PTPRT: variants seen among roughly 807,000 people sequenced by gnomAD.
The protein encoded by PTPRT is receptor-type tyrosine-protein phosphatase T.
Under a neutral mutation model 176.8 loss-of-function variants are expected in PTPRT, and 56 were observed. The observed-to-expected ratio is 0.32, with a 90% confidence interval of 0.26 to 0.40. The LOEUF (loss-of-function observed/expected upper bound fraction) is 0.40. Ranked by LOEUF, PTPRT falls within the 10% of genes least tolerant of loss-of-function variation. PTPRT has a pLI of 1.00. For synonymous variants in PTPRT, 783 were observed against 739.0 expected (o/e 1.06, Z -0.96); for missense variants, 1,540 against 1,908.2 (o/e 0.81, Z 3.60).
At chr20:42,188,656 T>C (rs985091965) in intron 16 of PTPRT, among the ~76,000 whole-genome samples, 1 of 152,204 alleles carries the variant, frequency 6.6e-6, no homozygotes, top group Non-Finnish European at 1.5e-5. Context: ...CAGTTTATTC[T>C]GCTACCTAGC....
chr20:42,800,005 T>G (rs2077506919), intron 2 of PTPRT, among the ~76,000 whole-genome samples: 1 of 152,180 alleles, frequency 6.6e-6, no homozygotes, highest in Admixed American at 6.5e-5. Context: ...GCAGTACTTT[T>G]TGTGTTCTCA....
chr20:42,614,075 T>A lies in PTPRT; in HGVS notation c.1153+63791A>T, dbSNP rs552972585. Among the ~76,000 whole-genome samples, 192 of 152,194 alleles carry A rather than the reference T, an allele frequency of 1.3e-3. 1 individual carries two copies. Among genetic ancestry groups the A allele is most frequent in the African/African-American group, 4.5e-3 (188 of 41,550 alleles). On this transcript the variant is annotated intron_variant, in intron 7 of 30. Transcript: ENST00000373187. ...AAGATCAAGGTGTCAGCAGGGTGGA[T>A]TCCTTTGAAGGGCTGTGAAAGAATC...
chr20:42,256,893 G>T (rs2056651505), intron 13 of PTPRT, among the ~76,000 whole-genome samples: 1 of 152,168 alleles, frequency 6.6e-6, no homozygotes, highest in African/African-American at 2.4e-5. Context: ...CCCATCTGGA[G>T]ACCTGAAGCC....
At chr20:42,102,997 G>A (rs769127539) in intron 25 of PTPRT, among the ~76,000 whole-genome samples, 1 of 152,234 alleles carries the variant, frequency 6.6e-6, no homozygotes, top group Non-Finnish European at 1.5e-5. Context: ...ATGGCTATTT[G>A]TTTTAGGGAT....
At chr20:42,063,784 G>C in the PTPRT span, 2 of 152,072 alleles carry the variant, frequency 1.3e-5, no homozygotes, top group African/African-American at 4.8e-5. Flanking sequence ...AATTTCTCTT[G>C]GGGAAGTGGC....
chr20:42,714,304 T>C (rs956653706), intron 6 of PTPRT, among the ~76,000 whole-genome samples: 2 of 152,206 alleles, frequency 1.3e-5, no homozygotes, highest in African/African-American at 4.8e-5. Context: ...TTTCTCACTT[T>C]ACTGTCATCT....
intron 7 of PTPRT, among the ~76,000 whole-genome samples, chr20:42,498,969 G>A (rs2071701748): frequency 2.6e-5 from 4 of 152,024 alleles, no homozygotes; most frequent in South Asian, 4.1e-4. Context: ...TAACCCAACC[G>A]CCTTTGGGAC....
intron 15 of PTPRT, among the ~76,000 whole-genome samples, chr20:42,207,351 A>G (rs368093416): frequency 6.0e-4 from 90 of 149,528 alleles, no homozygotes; most frequent in East Asian, 3.0e-3. Flanking sequence ...TCTGAGCTAC[A>G]GGAGGACATT....
Position 42,079,513 on chromosome 20 carries a change from G to C in PTPRT, c.*1366C>G, listed in dbSNP as rs1454934539. Reference sequence around the variant, plus strand: ...GTAGCTCTCTCCTGGGGGTTCTAAGGACTGTGTGAAATGTCCTATGGAAAG... The same window carrying C: ...GTAGCTCTCTCCTGGGGGTTCTAAGCACTGTGTGAAATGTCCTATGGAAAG... On this transcript the variant is annotated 3_prime_UTR_variant, in exon 31 of 31. Coordinates refer to ENST00000373187, the MANE Select transcript of PTPRT (RefSeq NM_007050.6). 9.0e-6 allele frequency: 2 copies of C among 222,694 alleles called. No individual in the cohort carries two copies. The highest frequency in any genetic ancestry group is 9.0e-6 in the Non-Finnish European group (1 of 111,456). The allele number at this position is 222,694 out of a possible 1,614,324, so 13.8% of individuals were successfully genotyped here.
chr20:42,313,603 T>C (rs1228366884), intron 12 of PTPRT, among the ~76,000 whole-genome samples: 1 of 152,202 alleles, frequency 6.6e-6, no homozygotes, highest in Non-Finnish European at 1.5e-5. Context: ...CATCTCATCA[T>C]GGAAACCCAA....
intron 13 of PTPRT, among the ~76,000 whole-genome samples, chr20:42,277,888 C>T: frequency 7.0e-6 from 1 of 143,396 alleles, no homozygotes. Flanking sequence ...ATCCACTCAT[C>T]CATCCATCCA....
chr20:42,812,518 T>C (rs1207764344), intron 2 of PTPRT, among the ~76,000 whole-genome samples: 2 of 152,238 alleles, frequency 1.3e-5, no homozygotes, highest in Non-Finnish European at 1.5e-5. Flanking sequence ...TTTGGGAGGA[T>C]ATGGAGCAAC....
At chr20:42,515,017 ACT>A (rs1364756534) in intron 7 of PTPRT, among the ~76,000 whole-genome samples, 2 of 151,956 alleles carry the variant, frequency 1.3e-5, no homozygotes, top group African/African-American at 4.8e-5. Context: ...AAATCAGAGA[ACT>A]CTCTTGTCAA....
At chr20:42,370,971 T>A (rs2058579272) in intron 9 of PTPRT, among the ~76,000 whole-genome samples, 1 of 152,206 alleles carries the variant, frequency 6.6e-6, no homozygotes, top group Non-Finnish European at 1.5e-5. Flanking sequence ...TTCCACCCTC[T>A]CTTGGTTTGG....
At chr20:42,202,362 G>T (rs117094274) in intron 15 of PTPRT, among the ~76,000 whole-genome samples, 2,813 of 152,080 alleles carry the variant, frequency 0.018, 45 homozygotes, top group Non-Finnish European at 0.029. Flanking sequence ...TTTTTAAGTT[G>T]GCTCGGGGAA....
intron 7 of PTPRT, among the ~76,000 whole-genome samples, chr20:42,508,409 A>G (rs902589468): frequency 2.6e-5 from 4 of 152,130 alleles, no homozygotes; most frequent in African/African-American, 7.2e-5. Flanking sequence ...AGAGAAGGCT[A>G]CTCATAGGAA....
chr20:42,829,164 A>G (rs2078047115), intron 2 of PTPRT, among the ~76,000 whole-genome samples: 1 of 152,186 alleles, frequency 6.6e-6, no homozygotes, highest in South Asian at 2.1e-4. Flanking sequence ...ACGGAGTCAA[A>G]GTAGATTATT....
chr20:42,990,410 G>A (rs1032023234), intron 1 of PTPRT, among the ~76,000 whole-genome samples: 1 of 152,106 alleles, frequency 6.6e-6, no homozygotes, highest in Non-Finnish European at 1.5e-5. Context: ...ATCATCTGGT[G>A]CATGGGATTT....
At chr20:43,154,701 G>A (rs561451413) in intron 1 of PTPRT, among the ~76,000 whole-genome samples, 1 of 152,052 alleles carries the variant, frequency 6.6e-6, no homozygotes, top group Non-Finnish European at 1.5e-5. Flanking sequence ...AAAAGCAAAT[G>A]GAATTGCATC....
Sources: gnomAD v4.1 joint callset for allele counts (sites outside exome capture counted in the v4.1 genomes callset) on GRCh38, gnomAD v4.1.1 for gene constraint, MANE v1.5 for transcripts, NCBI Gene and HGNC (gene_info 2026-07-23, HGNC 2026-07-21) for gene names.